Variants in OSBPL8 observed in about 807,000 individuals in gnomAD.
OSBPL8 encodes oxysterol binding protein like 8.
OSBPL8 carries 59 observed loss-of-function variants against 125.5 expected under a neutral mutation model. The observed-to-expected ratio is 0.47, with a 90% CI of 0.38 to 0.58. The LOEUF (loss-of-function observed/expected upper bound fraction) is 0.58, where lower values mean the gene tolerates loss of function less well. OSBPL8 is among the 20% of genes least tolerant of loss of function. The pLI is 0.00. For synonymous variants in OSBPL8, 330 were observed against 338.9 expected (o/e 0.97, Z 0.29); for missense variants, 758 against 1,047.8 (o/e 0.72, Z 3.82).
At chr12:76,537,108 C>G (rs899880744) in intron 1 of OSBPL8, 1 of 152,398 alleles carries the variant, frequency 6.6e-6, no homozygotes, top group African/African-American at 2.4e-5. Flanking sequence ...TATGGACTTG[C>G]TGTGCAGCTG....
chr12:76,454,689 A>AG (rs1873806970), intron 3 of OSBPL8, among the ~76,000 whole-genome samples: 1 of 151,114 alleles, frequency 6.6e-6, no homozygotes, highest in African/African-American at 2.4e-5. Context: ...AATGCACCCT[A>AG]GTGTGGGCAA....
At chr12:76,515,632 T>C (rs1414308643) in intron 1 of OSBPL8, among the ~76,000 whole-genome samples, 1 of 152,168 alleles carries the variant, frequency 6.6e-6, no homozygotes, top group East Asian at 1.9e-4. Context: ...ACTCCTGGGC[T>C]GCCCACTGCA....
At chr12:76,426,305 A>C (rs914900751) in intron 4 of OSBPL8, among the ~76,000 whole-genome samples, 11 of 152,184 alleles carry the variant, frequency 7.2e-5, no homozygotes. Flanking sequence ...TATGTTTCAG[A>C]GTGGTGCTCT....
chr12:76,511,900 T>C (rs1246274202), intron 1 of OSBPL8, among the ~76,000 whole-genome samples: 1 of 152,220 alleles, frequency 6.6e-6, no homozygotes, highest in African/African-American at 2.4e-5. Flanking sequence ...CATTTTTATA[T>C]ATGGTGTAAG....
intron 14 of OSBPL8, among the ~76,000 whole-genome samples, chr12:76,385,505 T>A (rs1227995409): frequency 6.6e-6 from 1 of 152,290 alleles, no homozygotes; most frequent in South Asian, 2.1e-4. Flanking sequence ...ATAAATATTC[T>A]GTAAAAAGGT....
At chr12:76,392,450 C>A in intron 10 of OSBPL8, 131 bp downstream of exon 10, 1 of 746,322 alleles carries the variant, frequency 1.3e-6, no homozygotes. Flanking sequence ...AAGCCGGTTC[C>A]TAGGCCATAT....
intron 21 of OSBPL8, among the ~76,000 whole-genome samples, chr12:76,367,931 ATTTATTT>A (rs1424807700): frequency 6.6e-6 from 1 of 152,206 alleles, no homozygotes; most frequent in Non-Finnish European, 1.5e-5. Flanking sequence ...TTTTTCATTC[ATTTATTT>A]TTTAAGTCCT....
rs555447126 is a variant in OSBPL8 at position 76,487,368 on chromosome 12, A to G, written c.42+142T>C. ...TTTTCATATCATTTAAAGTATCTGTAATTCTCAAGGAGTTAAAGCATTATT... is the reference window on the plus strand; with the variant it reads ...TTTTCATATCATTTAAAGTATCTGTGATTCTCAAGGAGTTAAAGCATTATT... On this transcript the variant is annotated intron_variant, in intron 2 of 23. Coordinates refer to ENST00000261183, the MANE Select transcript of OSBPL8 (RefSeq NM_020841.5). The G allele has an allele frequency of 4.9e-6, 3 of 608,542 alleles. No individual in the cohort carries two copies. The South Asian group carries it at 7.7e-5, about 16-fold the overall frequency. The allele number at this position is 608,542 out of a possible 1,614,324, so 37.7% of individuals were successfully genotyped here. A position where few individuals can be genotyped will look rare whatever the true frequency, so the allele number is the denominator to read the frequency against.
intron 17 of OSBPL8, among the ~76,000 whole-genome samples, chr12:76,374,268 T>C (rs889019387): frequency 6.6e-6 from 1 of 152,144 alleles, no homozygotes; most frequent in African/African-American, 2.4e-5. Context: ...CCCTTTCATT[T>C]TGAGGCAGAC....
intron 1 of OSBPL8, among the ~76,000 whole-genome samples, chr12:76,543,225 T>A (rs1024753266): frequency 6.6e-6 from 1 of 152,146 alleles, no homozygotes; most frequent in Non-Finnish European, 1.5e-5. Context: ...TCTATTGAAT[T>A]AATGGTCTTG....
chr12:76,401,194 G>T (rs1329879729), intron 6 of OSBPL8, among the ~76,000 whole-genome samples: 1 of 152,012 alleles, frequency 6.6e-6, no homozygotes, highest in East Asian at 1.9e-4. Context: ...CCAATCCTCT[G>T]AATTGATGAC....
intron 2 of OSBPL8, among the ~76,000 whole-genome samples, chr12:76,478,946 G>A (rs1280037783): frequency 6.6e-6 from 1 of 152,130 alleles, no homozygotes; most frequent in African/African-American, 2.4e-5. Context: ...TTAGCCGGGT[G>A]TGATGGCAGG....
intron 1 of OSBPL8, among the ~76,000 whole-genome samples, chr12:76,513,430 G>A (rs1437103476): frequency 1.3e-5 from 2 of 152,176 alleles, no homozygotes; most frequent in Admixed American, 6.5e-5. Context: ...GTTCCATAGA[G>A]GCCTGTCAGA....
At chr12:76,482,750 A>C (rs1346284495) in intron 2 of OSBPL8, among the ~76,000 whole-genome samples, 1 of 152,240 alleles carries the variant, frequency 6.6e-6, no homozygotes, top group African/African-American at 2.4e-5. Flanking sequence ...AAGCATTTTG[A>C]GCAGTTAATT....
chr12:76,547,948 A>C (rs1358050961), intron 1 of OSBPL8, among the ~76,000 whole-genome samples: 1 of 152,202 alleles, frequency 6.6e-6, no homozygotes, highest in Admixed American at 6.5e-5. Flanking sequence ...TAAAGGCACA[A>C]ACAACTATAC....
chr12:76,435,816 T>C (rs1459376848), intron 4 of OSBPL8, among the ~76,000 whole-genome samples: 1 of 152,120 alleles, frequency 6.6e-6, no homozygotes, highest in African/African-American at 2.4e-5. Flanking sequence ...CCTTTACATA[T>C]AAGGGCAGTT....
At chr12:76,457,969 C>T (rs1332185607) in intron 3 of OSBPL8, among the ~76,000 whole-genome samples, 1 of 152,058 alleles carries the variant, frequency 6.6e-6, no homozygotes, top group Non-Finnish European at 1.5e-5. Flanking sequence ...AACAACAAAA[C>T]ATAAAAATAT....
At chr12:76,396,263 C>T (rs373604460) in intron 8 of OSBPL8, among the ~76,000 whole-genome samples, 65 of 152,074 alleles carry the variant, frequency 4.3e-4, no homozygotes, top group East Asian at 4.3e-3. Context: ...ACTGAAATAA[C>T]GATTAAAAAG....
intron 1 of OSBPL8, among the ~76,000 whole-genome samples, chr12:76,530,506 A>G (rs1490064951): frequency 6.6e-6 from 1 of 152,202 alleles, no homozygotes; most frequent in African/African-American, 2.4e-5. Flanking sequence ...CAAAATAGCA[A>G]CTTGCCTCCT....
Sources: allele counts gnomAD v4.1 joint callset (sites outside exome capture counted in the v4.1 genomes callset), GRCh38; gene constraint gnomAD v4.1.1; transcripts MANE v1.5; gene names NCBI Gene and HGNC (gene_info 2026-07-23, HGNC 2026-07-21).